Variants in EPS8L2 observed in about 807,000 individuals in gnomAD.
EPS8L2 encodes the protein EPS8 signaling adaptor L2.
A neutral mutation model predicts 99.4 loss-of-function variants in EPS8L2; 81 were observed. The observed-to-expected ratio is 0.82, with a 90% CI of 0.68 to 0.98. EPS8L2 has a LOEUF of 0.98. EPS8L2 is among the 50% of genes least tolerant of loss of function. EPS8L2 has a pLI of 0.00. For missense variants in EPS8L2, 1,155 were observed against 968.8 expected (o/e 1.19, Z -2.55); for synonymous variants, 509 against 407.3 (o/e 1.25, Z -3.01).
At chr11:720,301 C>T (rs770723294) in intron 5 of EPS8L2, 78 bp downstream of exon 5, 69 of 1,487,100 alleles carry the variant, frequency 4.6e-5, no homozygotes, top group Non-Finnish European at 6.1e-5. Context: ...CCCGGATGTG[C>T]GGCCGGTCCT....
At position 720,283 on chromosome 11, in the gene EPS8L2, G is replaced by A. The variant is rs1175373927; in HGVS notation, c.327+60G>A. On this transcript the variant is annotated intron_variant, in intron 5 of 20. Transcript: ENST00000318562. Reference sequence around the variant, plus strand: ...GTGGGTAGAGGCGGTGGCAGCCACCGGCTGCAGCCCGGATGTGCGGCCGGT... The same window carrying A: ...GTGGGTAGAGGCGGTGGCAGCCACCAGCTGCAGCCCGGATGTGCGGCCGGT... 9.6e-6 allele frequency: 15 copies of A among 1,570,126 alleles called. No individual in the cohort carries two copies. The Admixed American group carries it at 1.2e-4, about 13-fold the overall frequency.
At chr11:712,049 G>A (rs2133503459) in intron 4 of EPS8L2, among the ~76,000 whole-genome samples, 1 of 152,004 alleles carries the variant, frequency 6.6e-6, no homozygotes, top group African/African-American at 2.4e-5. Flanking sequence ...ACTTTGGGAG[G>A]CCGAGGCGGG....
intron 4 of EPS8L2, among the ~76,000 whole-genome samples, chr11:716,269 C>T (rs1198685281): frequency 1.3e-5 from 2 of 152,026 alleles, no homozygotes; most frequent in Non-Finnish European, 2.9e-5. Flanking sequence ...CTGCTTCAGC[C>T]TCCTGAGTAG....
intron 4 of EPS8L2, among the ~76,000 whole-genome samples, chr11:711,431 C>T (rs990870547): frequency 2.0e-5 from 3 of 152,028 alleles, no homozygotes; most frequent in Non-Finnish European, 2.9e-5. Flanking sequence ...CTACAGCCTC[C>T]GCCTCCTGGA....
At chr11:720,986 G>A (rs1862152734) in intron 7 of EPS8L2, 77 bp downstream of exon 7, 1 of 1,431,642 alleles carries the variant, frequency 7.0e-7, no homozygotes, top group Non-Finnish European at 9.3e-7. Context: ...GAGCCGGCAG[G>A]GGAGGGGAGG....
At position 724,782 on chromosome 11, in the gene EPS8L2, G is replaced by A; in HGVS notation, c.1513G>A (p.Ala505Thr). ...CGTCAAGATCCTGTATGACTTCACA[G>A]CCCGAAATGCCAACGAGCTATCGGT... ...KYVKILYDFT[A>T]RNANELSVLK... Residue 505 changes from alanine (A) to threonine (T), a missense_variant, in exon 16 of 21, where the codon GCC becomes ACC. By Grantham distance (58) the Ala-to-Thr change is moderately conservative. Transcript: ENST00000318562. This position sits in a 1 kb window ranked among gnomAD's most constrained non-coding sequence, Gnocchi z 5.5. 6.2e-7 allele frequency: 1 copy of A among 1,613,646 alleles called. No individual in the cohort carries two copies. The highest frequency in any genetic ancestry group is 8.5e-7 in the Non-Finnish European group (1 of 1,179,956).
intron 4 of EPS8L2, among the ~76,000 whole-genome samples, chr11:716,444 C>G (rs1384103796): frequency 6.6e-6 from 1 of 152,106 alleles, no homozygotes; most frequent in Non-Finnish European, 1.5e-5. Context: ...TCAGTACAGA[C>G]AAGAGTTTTG....
chr11:719,510 GCA>G (rs1373057064), intron 4 of EPS8L2, among the ~76,000 whole-genome samples: 2 of 152,256 alleles, frequency 1.3e-5, no homozygotes, highest in African/African-American at 4.8e-5. Flanking sequence ...GACGCATCCC[GCA>G]CACACTTGTC....
Position 720,903 on chromosome 11 carries a change from C to A in EPS8L2, c.551C>A (p.Thr184Asn), listed in dbSNP as rs1404683051. The change falls in exon 7 of 21, where the codon ACC becomes AAC. Residue 184 changes from threonine to asparagine, a missense_variant. Thr to Asn is a moderately conservative substitution (Grantham distance 65). Transcript: ENST00000318562. ...CRLGKKMRPQTLKGHQEKIRQ... is the reference protein window; with the variant it reads ...CRLGKKMRPQNLKGHQEKIRQ... ...CTGGGCAAGAAGATGCGGCCGCAGA[C>A]CCTGAAGTAGGGCAGCGGGCGGAGC... 2 of 1,290,328 alleles carry A rather than the reference C, an allele frequency of 1.5e-6. No individual in the cohort carries two copies. The highest frequency in any genetic ancestry group is 2.0e-6 in the Non-Finnish European group (2 of 989,622). 79.9% of individuals were successfully genotyped at this position (1,290,328 alleles called of 1,614,324 possible).
chr11:725,697 T>G (rs1180225723), intron 16 of EPS8L2, 31 bp from the exon 17 acceptor site: 1 of 1,299,638 alleles, frequency 7.7e-7, no homozygotes, highest in South Asian at 2.5e-5. Flanking sequence ...AGAGCCTGGG[T>G]GTGGGGAGGG....
intron 4 of EPS8L2, among the ~76,000 whole-genome samples, chr11:716,554 G>GC (rs1862033013): frequency 6.6e-6 from 1 of 152,192 alleles, no homozygotes; most frequent in African/African-American, 2.4e-5. Flanking sequence ...ACCGTGCCTG[G>GC]CCAGATTATT....
intron 1 of EPS8L2, among the ~76,000 whole-genome samples, chr11:707,524 C>A (rs750690927): frequency 6.6e-6 from 1 of 152,204 alleles, no homozygotes; most frequent in Non-Finnish European, 1.5e-5. Flanking sequence ...CACTTCACAC[C>A]GGGAAAATGA....
chr11:720,264 A>G (rs1157704673), intron 5 of EPS8L2, 41 bp downstream of exon 5: 1 of 1,601,458 alleles, frequency 6.2e-7, no homozygotes, highest in South Asian at 1.1e-5. Flanking sequence ...CACAGTGGGT[A>G]GAGGCGGTGG....
intron 4 of EPS8L2, among the ~76,000 whole-genome samples, chr11:717,405 C>T (rs978911554): frequency 3.3e-5 from 5 of 152,222 alleles, no homozygotes; most frequent in African/African-American, 7.2e-5. Flanking sequence ...ACATTTTGCA[C>T]GTGTGCAGAT....
At chr11:712,273 G>A (rs968993900) in intron 4 of EPS8L2, among the ~76,000 whole-genome samples, 3 of 151,868 alleles carry the variant, frequency 2.0e-5, no homozygotes, top group African/African-American at 7.3e-5. Flanking sequence ...GGGACAGGGC[G>A]AGACTCCATC....
At chr11:709,729 G>A in intron 3 of EPS8L2, 121 bp downstream of exon 3, 1 of 1,154,864 alleles carries the variant, frequency 8.7e-7, no homozygotes, top group Non-Finnish European at 1.2e-6. Flanking sequence ...ATCTCCGGGT[G>A]CCCAGGGAGG....
intron 4 of EPS8L2, among the ~76,000 whole-genome samples, chr11:711,117 T>C (rs1861876305): frequency 6.6e-6 from 1 of 152,112 alleles, no homozygotes; most frequent in African/African-American, 2.4e-5. Flanking sequence ...GGGCTGCTTC[T>C]CAGGGCTCAG....
At position 727,227 on chromosome 11, in the gene EPS8L2, C is replaced by T; in HGVS notation, c.*246C>T. ...TTGGTGGTGCCAGCCCCTTGTCCAC[C>T]TTCTCTTGAGGCCACAGAACTCCCT... On this transcript the variant is annotated 3_prime_UTR_variant, in exon 21 of 21. Coordinates refer to ENST00000318562, the MANE Select transcript of EPS8L2 (RefSeq NM_022772.4). The T allele has an allele frequency of 2.7e-6, 1 of 370,792 alleles. No homozygotes were observed. Among genetic ancestry groups the T allele is most frequent in the Admixed American group, 4.4e-5 (1 of 22,642 alleles). The allele number at this position is 370,792 out of a possible 1,614,324, so 23.0% of individuals were successfully genotyped here.
At position 726,487 on chromosome 11, in the gene EPS8L2, G is replaced by A. The variant is rs778766896; in HGVS notation, c.1934+3G>A. ...GAAGCCAAGGCCTTCAGCCCGCGGT[G>A]AGCGGGGGCGGGGGATGAGCTGGGG... is the stretch of plus-strand genomic sequence containing the variant. On this transcript the variant is annotated splice_donor_region_variant and intron_variant, in intron 19 of 20. Transcript: ENST00000318562. The A allele has an allele frequency of 2.5e-5, 39 of 1,548,810 alleles. No individual in the cohort carries two copies. In the East Asian group the frequency reaches 9.0e-4, roughly 36 times the overall value.
Sources: gnomAD v4.1 joint callset for allele counts (sites outside exome capture counted in the v4.1 genomes callset) on GRCh38, gnomAD v4.1.1 for gene constraint, Gnocchi (gnomAD v3.1) non-coding constraint, MANE v1.5 for transcripts, NCBI Gene and HGNC (gene_info 2026-07-23, HGNC 2026-07-21) for gene names.